The following RAB33B variants were observed in gnomAD, a reference collection of about 807,000 sequenced individuals.
RAB33B encodes ras-related protein Rab-33B.
In RAB33B, 6 loss-of-function variants were observed where a neutral mutation model predicts 15.0. The ratio of observed to expected loss-of-function variants is 0.40; its 90% CI spans 0.22 to 0.79. RAB33B has a LOEUF of 0.79. RAB33B is among the 30% of genes least tolerant of loss of function. RAB33B has a pLI of 0.37. For missense variants in RAB33B, 257 were observed against 296.4 expected, an observed-to-expected ratio of 0.87 and a Z score of 0.98; for synonymous variants, 117 against 108.3, an observed-to-expected ratio of 1.08 and a Z score of -0.50.
At chr4:139,457,769 A>T (rs923182782) in intron 1 of RAB33B, among the ~76,000 whole-genome samples, 1 of 152,150 alleles carries the variant, frequency 6.6e-6, no homozygotes, top group Non-Finnish European at 1.5e-5. Flanking sequence ...ACATTTTTTA[A>T]TGTTTAGGGA....
At chr4:139,447,729 G>A in the RAB33B span, among the ~76,000 whole-genome samples, 1 of 145,204 alleles carries the variant, frequency 6.9e-6, no homozygotes. Flanking sequence ...TGCAGTGGTG[G>A]GATCTCGGCT....
rs192745065 is a variant in RAB33B, at chr4:139,471,399, G to A, written c.250-1287G>A. On this transcript the variant is annotated intron_variant, in intron 1 of 1. Coordinates refer to ENST00000305626, the MANE Select transcript of RAB33B (RefSeq NM_031296.3). ...TCTCTGTACCACACCGCTGCTGCTC[G>A]GGGTGCAGGGGGTGGGTGTTGGCAA... Among the ~76,000 whole-genome samples, 419 of 152,200 alleles carry A rather than the reference G, an allele frequency of 2.8e-3. 6 individuals are homozygous for A. Among genetic ancestry groups the A allele is most frequent in the African/African-American group, 9.4e-3 (392 of 41,500 alleles).
At chr4:139,465,722 CTTT>C (rs375295002) in intron 1 of RAB33B, among the ~76,000 whole-genome samples, 4 of 133,214 alleles carry the variant, frequency 3.0e-5, no homozygotes, top group Admixed American at 3.0e-4. Flanking sequence ...TCTTCTTCTT[CTTT>C]TTTTTTTTTT....
rs1279409974 is a variant in RAB33B, at chr4:139,475,409, G to A, written c.*2283G>A. On this transcript the variant is annotated 3_prime_UTR_variant, in exon 2 of 2. Transcript: ENST00000305626. ...TAATATCCTTTACAGTTCTGTGAAA[G>A]GACTTATTTTTTAACTGTAATATTT... The A allele has an allele frequency of 1.3e-5, 2 of 151,626 alleles. No individual in the cohort carries two copies. Among genetic ancestry groups the A allele is most frequent in the Non-Finnish European group, 2.9e-5 (2 of 67,828 alleles). The allele number at this position is 151,626 out of a possible 1,614,324, so 9.4% of individuals were successfully genotyped here. A position where few individuals can be genotyped will look rare whatever the true frequency, so the allele number is the denominator to read the frequency against.
Position 139,454,124 on chromosome 4 carries a change from C to T in RAB33B, c.-72C>T, listed in dbSNP as rs1174192430. ...CGAACTGGCCGGCTGGGCGCGCGCTCTTGCGGTGGCGTAATCTCTCAGCCT... is the reference window on the plus strand; with the variant it reads ...CGAACTGGCCGGCTGGGCGCGCGCTTTTGCGGTGGCGTAATCTCTCAGCCT... On this transcript the variant is annotated 5_prime_UTR_variant, in exon 1 of 2. Transcript: ENST00000305626. 2.0e-6 allele frequency: 3 copies of T among 1,512,928 alleles called. No individual in the cohort carries two copies. The highest frequency in any genetic ancestry group is 2.3e-5 in the East Asian group (1 of 43,432). 93.7% of individuals were successfully genotyped at this position (1,512,928 alleles called of 1,614,324 possible).
rs1199487809 is a variant in RAB33B, at chr4:139,473,847, T to C, written c.*721T>C. ...TGTTTGATTTTCTAATTAATACTTA[T>C]CAGATCTACAAAAATCATTATTATT... On this transcript the variant is annotated 3_prime_UTR_variant, in exon 2 of 2. Coordinates refer to ENST00000305626, the MANE Select transcript of RAB33B (RefSeq NM_031296.3). 1.3e-5 allele frequency: 2 copies of C among 151,784 alleles called. No individual in the cohort carries two copies. The highest frequency in any genetic ancestry group is 1.3e-4 in the Admixed American group (2 of 15,246). The allele number at this position is 151,784 out of a possible 1,614,324, so 9.4% of individuals were successfully genotyped here.
chr4:139,470,323 T>C (rs1463639457), intron 1 of RAB33B, among the ~76,000 whole-genome samples: 1 of 152,190 alleles, frequency 6.6e-6, no homozygotes, highest in Non-Finnish European at 1.5e-5. Flanking sequence ...TTCCCACTTG[T>C]AGCCATTGCC....
the RAB33B span, among the ~76,000 whole-genome samples, chr4:139,447,792 A>C: frequency 6.8e-6 from 1 of 146,336 alleles, no homozygotes; most frequent in Non-Finnish European, 1.5e-5. Flanking sequence ...TCAGCCTCCC[A>C]AGTAGCTGGG....
At chr4:139,451,997 G>A (rs1166470787), upstream of RAB33B, 1 of 152,216 alleles carries the variant, frequency 6.6e-6, no homozygotes, top group Non-Finnish European at 1.5e-5. Flanking sequence ...ATTAAGAAGA[G>A]TAGCACATAC....
upstream of RAB33B, chr4:139,452,017 A>G (rs1749935296): frequency 1.3e-5 from 2 of 152,246 alleles, no homozygotes; most frequent in South Asian, 2.1e-4. Context: ...CTTCAGTCAC[A>G]TGAGGACACT....
chr4:139,458,241 G>A (rs530083557), intron 1 of RAB33B, among the ~76,000 whole-genome samples: 1 of 152,000 alleles, frequency 6.6e-6, no homozygotes, highest in Non-Finnish European at 1.5e-5. Context: ...CACTATGATC[G>A]AGCCACTCCA....
At chr4:139,457,302 CA>C (rs1750087717) in intron 1 of RAB33B, among the ~76,000 whole-genome samples, 1 of 152,194 alleles carries the variant, frequency 6.6e-6, no homozygotes, top group Admixed American at 6.5e-5. Context: ...TCCTTAAATA[CA>C]AATACATTCG....
the RAB33B span, among the ~76,000 whole-genome samples, chr4:139,442,387 G>C: frequency 2.6e-5 from 4 of 152,222 alleles, no homozygotes; most frequent in African/African-American, 9.6e-5. Context: ...TGAGGAGAAA[G>C]AGAATGTGAT....
chr4:139,454,806 T>C (rs1302154655), intron 1 of RAB33B, among the ~76,000 whole-genome samples: 1 of 152,138 alleles, frequency 6.6e-6, no homozygotes, highest in East Asian at 1.9e-4. Context: ...CAGTCAAATA[T>C]GAACGGAGGA....
chr4:139,471,042 G>A (rs1028555747), intron 1 of RAB33B, among the ~76,000 whole-genome samples: 1 of 152,314 alleles, frequency 6.6e-6, no homozygotes, highest in African/African-American at 2.4e-5. Flanking sequence ...TCCCTTGGCT[G>A]TCCCAGCTGG....
chr4:139,445,711 G>A, the RAB33B span, among the ~76,000 whole-genome samples: 1 of 152,162 alleles, frequency 6.6e-6, no homozygotes, highest in African/African-American at 2.4e-5. Context: ...TCCAGGAGAA[G>A]GCTCTACAAC....
intron 1 of RAB33B, among the ~76,000 whole-genome samples, chr4:139,460,249 G>T (rs34407744): frequency 0.19 from 29,109 of 152,124 alleles, 3,165 homozygotes; most frequent in Non-Finnish European, 0.25. Flanking sequence ...TGTGTTTATT[G>T]AGATGATCCT....
upstream of RAB33B, chr4:139,450,769 C>T (rs1364451415): frequency 6.6e-6 from 1 of 151,924 alleles, no homozygotes; most frequent in East Asian, 1.9e-4. Flanking sequence ...TATCTAAGAG[C>T]TGTTTCTGAG....
At chr4:139,448,116 T>C in the RAB33B span, among the ~76,000 whole-genome samples, 1 of 152,098 alleles carries the variant, frequency 6.6e-6, no homozygotes, top group African/African-American at 2.4e-5. Context: ...TATTAAGGTG[T>C]CTCTTAGTAT....
Sources: gnomAD v4.1 joint callset for allele counts (sites outside exome capture counted in the v4.1 genomes callset) on GRCh38, gnomAD v4.1.1 for gene constraint, MANE v1.5 for transcripts, NCBI Gene and HGNC (gene_info 2026-07-23, HGNC 2026-07-21) for gene names.